BCO1: variants seen among roughly 807,000 people sequenced by gnomAD.
BCO1 encodes the protein beta,beta-carotene 15,15'-dioxygenase.
In BCO1, 54 loss-of-function variants were observed where a neutral mutation model predicts 56.3. The ratio of observed to expected loss-of-function variants is 0.96; its 90% confidence interval spans 0.77 to 1.20. The LOEUF (loss-of-function observed/expected upper bound fraction) is 1.20. Ranked by LOEUF, BCO1 falls within the 50% of genes most tolerant of loss-of-function variation. The probability of loss-of-function intolerance (pLI) is 0.00; values close to 1 mark genes in which losing one functional copy is unlikely to be tolerated. For synonymous variants in BCO1, 318 were observed against 266.1 expected, an observed-to-expected ratio of 1.20 and a Z score of -1.90; for missense variants, 801 against 690.9, an observed-to-expected ratio of 1.16 and a Z score of -1.79.
At chr16:81,244,956 T>A (rs28680248) in intron 1 of BCO1, among the ~76,000 whole-genome samples, 58,462 of 151,550 alleles carry the variant, frequency 0.39, 11,813 homozygotes, top group African/African-American at 0.52. Flanking sequence ...AGTGGTACAA[T>A]CTCGGCTCGC....
intron 1 of BCO1, among the ~76,000 whole-genome samples, chr16:81,239,296 G>T (rs914357050): frequency 1.3e-5 from 2 of 152,010 alleles, no homozygotes; most frequent in Non-Finnish European, 2.9e-5. Flanking sequence ...GGATTACAGG[G>T]GTGAGCCACT....
In BCO1 at chr16:81,245,567, G is replaced by A. The variant is rs1284429525; in HGVS notation, c.157G>A (p.Gly53Ser). Residue 53 changes from glycine to serine, a missense_variant, in exon 2 of 11, where the codon GGC becomes AGC. By Grantham distance (56) the Gly-to-Ser change is moderately conservative. Coordinates refer to ENST00000258168, the MANE Select transcript of BCO1 (RefSeq NM_017429.3). ...GTCCAGATACAACCATTGGTTCGAC[G>A]GCCTTGCCCTGCTCCACAGCTTCAC... ...GESRYNHWFD[G>S]LALLHSFTIR... The A allele has an allele frequency of 2.5e-6, 4 of 1,614,152 alleles. No individual in the cohort carries two copies. The highest frequency in any genetic ancestry group is 3.4e-6 in the Non-Finnish European group (4 of 1,180,014).
intron 1 of BCO1, among the ~76,000 whole-genome samples, chr16:81,240,043 T>C (rs1228294751): frequency 1.3e-5 from 2 of 152,128 alleles, no homozygotes; most frequent in East Asian, 1.9e-4. Context: ...AACTGAGCAA[T>C]TGCCTTGGGA....
chr16:81,283,639 C>G (rs547399128), intron 8 of BCO1, among the ~76,000 whole-genome samples: 1 of 152,154 alleles, frequency 6.6e-6, no homozygotes, highest in South Asian at 2.1e-4. Flanking sequence ...GGGCCTGTCC[C>G]TTGGAAGTTT....
chr16:81,253,559 A>C (rs1188570208), intron 2 of BCO1, among the ~76,000 whole-genome samples: 1 of 152,178 alleles, frequency 6.6e-6, no homozygotes, highest in Non-Finnish European at 1.5e-5. Context: ...GCAGTTAATA[A>C]ATAATGGTTG....
intron 1 of BCO1, among the ~76,000 whole-genome samples, chr16:81,240,253 A>G (rs1597338928): frequency 6.6e-6 from 1 of 152,096 alleles, no homozygotes; most frequent in South Asian, 2.1e-4. Context: ...ACCACTATTA[A>G]TATTTGGGTC....
At chr16:81,272,002 C>T (rs575487675) in intron 7 of BCO1, among the ~76,000 whole-genome samples, 1 of 152,258 alleles carries the variant, frequency 6.6e-6, no homozygotes, top group South Asian at 2.1e-4. Flanking sequence ...CCCCCTACGT[C>T]TCCCAAAGTG....
At chr16:81,249,631 C>T (rs973877663) in intron 2 of BCO1, among the ~76,000 whole-genome samples, 3 of 151,986 alleles carry the variant, frequency 2.0e-5, no homozygotes, top group East Asian at 1.9e-4. Flanking sequence ...GAACTCCTGA[C>T]CTCAGGTGAT....
Position 81,246,888 on chromosome 16 carries a change from A to G in BCO1, c.193+1285A>G, listed in dbSNP as rs552309460. Among the ~76,000 whole-genome samples, 3 of 150,436 alleles carry G rather than the reference A, an allele frequency of 2.0e-5. No individual in the cohort carries two copies. In the South Asian group the frequency reaches 6.3e-4, roughly 32 times the overall value. ...AAAAAAGAAGAGTACAGAGCTGGAA[A>G]GAGCAAAGCTGCATATATTGCCCAT... On this transcript the variant is annotated intron_variant, in intron 2 of 10. Transcript: ENST00000258168.
rs565505579 is a variant in BCO1, at chr16:81,273,188, G to C, written c.1101+2772G>C. Among the ~76,000 whole-genome samples, 91 of 152,188 alleles carry C rather than the reference G, an allele frequency of 6.0e-4. 1 individual carries two copies. Among genetic ancestry groups the C allele is most frequent in the African/African-American group, 2.0e-3 (84 of 41,532 alleles). On this transcript the variant is annotated intron_variant, in intron 7 of 10. Coordinates refer to ENST00000258168, the MANE Select transcript of BCO1 (RefSeq NM_017429.3). ...AGTAGAGATGGGGTTTCACCATGTT[G>C]GCCAGGCTGGTCTTGAACTCCTGAC...
intron 2 of BCO1, among the ~76,000 whole-genome samples, chr16:81,251,775 A>G: frequency 6.6e-6 from 1 of 151,684 alleles, no homozygotes; most frequent in African/African-American, 2.4e-5. Context: ...GATAAAATTA[A>G]CAGGCAAAGT....
intron 8 of BCO1, 56 bp from the exon 9 acceptor site, chr16:81,285,484 G>A (rs1294545232): frequency 3.1e-6 from 4 of 1,283,300 alleles, no homozygotes; most frequent in Non-Finnish European, 4.5e-6. Flanking sequence ...CAGGAAGGGT[G>A]GATGCTCCCA....
At chr16:81,243,425 C>A (rs376145704) in intron 1 of BCO1, among the ~76,000 whole-genome samples, 5 of 151,864 alleles carry the variant, frequency 3.3e-5, no homozygotes, top group Admixed American at 2.0e-4. Context: ...TCCAGTCTTA[C>A]TAAACAGCTT....
intron 10 of BCO1, 25 bp from the exon 11 acceptor site, chr16:81,290,323 G>T (rs1215111838): frequency 1.3e-6 from 2 of 1,583,132 alleles, no homozygotes; most frequent in South Asian, 2.2e-5. Context: ...CTTTTACGAA[G>T]TGTTTTTTTT....
intron 7 of BCO1, among the ~76,000 whole-genome samples, chr16:81,275,463 G>A (rs11860500): frequency 2.1e-3 from 314 of 152,346 alleles, no homozygotes; most frequent in African/African-American, 7.2e-3. Context: ...AGCTGAGTCC[G>A]TATCCTCTAA....
chr16:81,287,477 TG>T (rs1268577176), intron 10 of BCO1, 71 bp downstream of exon 10: 28 of 1,214,992 alleles, frequency 2.3e-5, no homozygotes, highest in Non-Finnish European at 3.3e-5. Flanking sequence ...AGACACCATC[TG>T]GGGGCAGCTG....
At position 81,268,097 on chromosome 16, in the gene BCO1, G is replaced by T; in HGVS notation, c.809G>T (p.Trp270Leu). ...MATAYIRRMS[W>L]ASCLAFHREE... Reference sequence around the variant, plus strand: ...ACCGCATACATCCGGAGAATGAGCTGGGCCTCCTGCCTGGCTTTCCACAGG... The same window carrying T: ...ACCGCATACATCCGGAGAATGAGCTTGGCCTCCTGCCTGGCTTTCCACAGG... Residue 270 changes from tryptophan (W) to leucine (L), a missense_variant, in exon 6 of 11, where the codon TGG becomes TTG. Physicochemically the swap from Trp to Leu is moderately conservative, Grantham distance 61. Coordinates refer to ENST00000258168, the MANE Select transcript of BCO1 (RefSeq NM_017429.3). 1.9e-6 allele frequency: 3 copies of T among 1,611,240 alleles called. No individual in the cohort carries two copies. Among genetic ancestry groups the T allele is most frequent in the Non-Finnish European group, 2.5e-6 (3 of 1,179,968 alleles).
rs776579175 is a variant in BCO1 at position 81,264,709 on chromosome 16, G to A, written c.541G>A (p.Val181Ile). Residue 181 changes from valine (V) to isoleucine (I), a missense_variant, in exon 5 of 11, where the codon GTT becomes ATT. By Grantham distance (29) the Val-to-Ile change is conservative (BLOSUM62 3). Coordinates refer to ENST00000258168, the MANE Select transcript of BCO1 (RefSeq NM_017429.3). ...SHPHYDEAGNVLNMGTSIVEK... is the reference protein window; with the variant it reads ...SHPHYDEAGNILNMGTSIVEK... Reference sequence around the variant, plus strand: ...TCCCCATTATGATGAGGCTGGAAATGTTCTAAACATGGGCACATCCATTGT... The same window carrying A: ...TCCCCATTATGATGAGGCTGGAAATATTCTAAACATGGGCACATCCATTGT... 51 of 1,614,056 alleles carry A rather than the reference G, an allele frequency of 3.2e-5. No homozygotes were observed. The highest frequency in any genetic ancestry group is 4.2e-5 in the Non-Finnish European group (50 of 1,180,020).
intron 10 of BCO1, 83 bp downstream of exon 10, chr16:81,287,489 ACC>A: frequency 9.3e-7 from 1 of 1,079,352 alleles, no homozygotes; most frequent in Non-Finnish European, 1.4e-6. Context: ...GGGGCAGCTG[ACC>A]CCCCCAGGTC....
Sources: allele counts gnomAD v4.1 joint callset (sites outside exome capture counted in the v4.1 genomes callset), GRCh38; gene constraint gnomAD v4.1.1; transcripts MANE v1.5; gene names NCBI Gene and HGNC (gene_info 2026-07-23, HGNC 2026-07-21).